NMT1: variants seen among roughly 807,000 people sequenced by gnomAD.
NMT1 encodes the protein N-myristoyltransferase 1.
In NMT1, 12 loss-of-function variants were observed where a neutral mutation model predicts 63.4. The observed-to-expected ratio is 0.19, with a 90% confidence interval of 0.12 to 0.31. The LOEUF (loss-of-function observed/expected upper bound fraction) is 0.31, where lower values mean the gene tolerates loss of function less well. NMT1 is among the 10% of genes least tolerant of loss of function. NMT1 has a pLI of 1.00. For missense variants in NMT1, 432 were observed against 634.6 expected (o/e 0.68, Z 3.43); for synonymous variants, 228 against 234.3 (o/e 0.97, Z 0.25).
chr17:45,105,557 G>A lies in NMT1; in HGVS notation c.1471-62G>A. 1.3e-6 allele frequency: 2 copies of A among 1,589,462 alleles called. No homozygotes were observed. Among genetic ancestry groups the A allele is most frequent in the Admixed American group, 1.7e-5 (1 of 59,410 alleles). On this transcript the variant is annotated intron_variant, in intron 11 of 11. Coordinates refer to ENST00000258960, the MANE Select transcript of NMT1 (RefSeq NM_021079.5). This position sits in a 1 kb window ranked among gnomAD's most constrained non-coding sequence, Gnocchi z 4.2. ...CCACTCGGAACTTCAGGGATAGGGG[G>A]TGTGGGAGAGTCTTTGGGCCACTGT...
At chr17:45,090,969 A>T (rs879728593) in intron 3 of NMT1, among the ~76,000 whole-genome samples, 3 of 151,982 alleles carry the variant, frequency 2.0e-5, no homozygotes, top group Non-Finnish European at 2.9e-5. Flanking sequence ...TGATGCTGGC[A>T]CCACACCGAG....
chr17:45,079,302 C>T (rs2053997646), intron 1 of NMT1, among the ~76,000 whole-genome samples: 1 of 152,054 alleles, frequency 6.6e-6, no homozygotes, highest in South Asian at 2.1e-4. Context: ...CGGGGTTTCA[C>T]CATGTGGGTC....
At chr17:45,072,225 C>T (rs1340138808) in intron 1 of NMT1, among the ~76,000 whole-genome samples, 2 of 150,054 alleles carry the variant, frequency 1.3e-5, no homozygotes, top group Non-Finnish European at 3.0e-5. Context: ...GCACTCCAGC[C>T]TGGGTAACAG....
chr17:45,098,325 G>C (rs2143513666), intron 6 of NMT1, 57 bp from the exon 7 acceptor site: 1 of 1,555,790 alleles, frequency 6.4e-7, no homozygotes, highest in Non-Finnish European at 8.8e-7. Context: ...TGCTTGATGG[G>C]ATCACCATTC....
chr17:45,090,320 T>G (rs980966560), intron 3 of NMT1, among the ~76,000 whole-genome samples: 3 of 152,104 alleles, frequency 2.0e-5, no homozygotes, highest in Non-Finnish European at 4.4e-5. Flanking sequence ...ATGAAAGGCC[T>G]TCTTAGCAGA....
In NMT1 at chr17:45,061,379, C is replaced by T; in HGVS notation, c.50C>T (p.Pro17Leu). 1 of 1,614,018 alleles carries T rather than the reference C, an allele frequency of 6.2e-7. No individual in the cohort carries two copies. The highest frequency in any genetic ancestry group is 8.5e-7 in the Non-Finnish European group (1 of 1,179,990). The change falls in exon 1 of 12, where the codon CCG (proline) becomes CTG (leucine). Residue 17 changes from proline to leucine, a missense_variant. Pro to Leu is a moderately conservative substitution (Grantham distance 98, BLOSUM62 -3). This residue lies in a region of NMT1 where 121 missense variants were observed against 103.7 expected (regional missense o/e 1.17). Coordinates refer to ENST00000258960, the MANE Select transcript of NMT1 (RefSeq NM_021079.5). ...GTGAAGCCGCCGGCACCTCCGCTGC[C>T]GCAGATGATGGAAGGGAACGGGAAC... ...TAVKPPAPPL[P>L]QMMEGNGNGH...
chr17:45,075,174 C>A (rs1330446762), intron 1 of NMT1, among the ~76,000 whole-genome samples: 1 of 152,094 alleles, frequency 6.6e-6, no homozygotes, highest in Non-Finnish European at 1.5e-5. Context: ...GGTGACAGAG[C>A]AAGACCCTGT....
At chr17:45,094,467 C>G (rs1174659224) in intron 4 of NMT1, among the ~76,000 whole-genome samples, 3 of 148,276 alleles carry the variant, frequency 2.0e-5, no homozygotes, top group Non-Finnish European at 4.5e-5. Context: ...CACTCCAGCC[C>G]AGGTGACAGT....
chr17:45,097,113 G>A lies in NMT1; in HGVS notation c.597-15G>A. On this transcript the variant is annotated splice_polypyrimidine_tract_variant and intron_variant, in intron 5 of 11. Coordinates refer to ENST00000258960, the MANE Select transcript of NMT1 (RefSeq NM_021079.5). ...GCCGGCAAGCAGCACAACCACCCCA[G>A]CCTCTCTTTTCCAGGGCTCTCCGGC... The A allele has an allele frequency of 6.2e-7, 1 of 1,609,736 alleles. No individual in the cohort carries two copies. Among genetic ancestry groups the A allele is most frequent in the Non-Finnish European group, 8.5e-7 (1 of 1,176,088 alleles).
chr17:45,081,616 C>G (rs1181207807), intron 1 of NMT1, 28 bp from the exon 2 acceptor site: 1 of 1,583,092 alleles, frequency 6.3e-7, no homozygotes, highest in Non-Finnish European at 8.6e-7. Flanking sequence ...TTTTTAAACC[C>G]TGCATTAGTA....
intron 1 of NMT1, among the ~76,000 whole-genome samples, chr17:45,069,699 T>C (rs1344866221): frequency 3.9e-5 from 6 of 152,142 alleles, no homozygotes; most frequent in Non-Finnish European, 5.9e-5. Context: ...CCCTGCTGAA[T>C]TGAGTTCTGC....
At chr17:45,094,247 C>T (rs746302192) in intron 4 of NMT1, among the ~76,000 whole-genome samples, 9 of 151,840 alleles carry the variant, frequency 5.9e-5, no homozygotes, top group East Asian at 2.0e-4. Context: ...GTAATCCCAC[C>T]GTTTTGGGAG....
intron 3 of NMT1, among the ~76,000 whole-genome samples, chr17:45,088,086 G>A (rs1373232730): frequency 6.6e-6 from 1 of 152,256 alleles, no homozygotes; most frequent in Non-Finnish European, 1.5e-5. Flanking sequence ...CTGAGGAGGT[G>A]CATCCCCACG....
In NMT1 at chr17:45,105,735, TCCC is replaced by T; in HGVS notation, c.*97_*99del. 7.7e-7 allele frequency: 1 copy of T among 1,305,672 alleles called. No homozygotes were observed. Among genetic ancestry groups the T allele is most frequent in the Non-Finnish European group, 1.1e-6 (1 of 913,230 alleles). 80.9% of individuals were successfully genotyped at this position (1,305,672 alleles called of 1,614,324 possible). A position where few individuals can be genotyped will look rare whatever the true frequency, so the allele number is the denominator to read the frequency against. On this transcript the variant is annotated 3_prime_UTR_variant, in exon 12 of 12. Transcript: ENST00000258960. This position sits in a 1 kb window ranked among gnomAD's most constrained non-coding sequence, Gnocchi z 4.2. ...GGTCCAATTTTCACACACGTGAGAA[TCCC>T]TGGCAAAGGGAGCAGAACTGAACCG...
At chr17:45,079,650 GTGCACACA>G (rs1401702895) in intron 1 of NMT1, among the ~76,000 whole-genome samples, 1 of 152,232 alleles carries the variant, frequency 6.6e-6, no homozygotes, top group Non-Finnish European at 1.5e-5. Context: ...CCTTGATCAC[GTGCACACA>G]TGCACACGTG....
At chr17:45,075,545 G>A (rs1030376384) in intron 1 of NMT1, among the ~76,000 whole-genome samples, 2 of 150,848 alleles carry the variant, frequency 1.3e-5, no homozygotes, top group African/African-American at 2.4e-5. Context: ...ACTTTGGGAG[G>A]CCAAGGCTGG....
intron 8 of NMT1, 122 bp from the exon 9 acceptor site, chr17:45,102,829 C>T (rs556306047): frequency 8.5e-6 from 7 of 826,634 alleles, no homozygotes; most frequent in African/African-American, 5.1e-5. Flanking sequence ...GAGATATGCA[C>T]GGGGGTGCAG....
rs148447889 is a variant in NMT1, at chr17:45,063,785, A to G, written c.131+2325A>G. 1.6e-3 allele frequency among the ~76,000 whole-genome samples: 243 copies of G among 152,132 alleles called. 3 individuals carry two copies. The highest frequency in any genetic ancestry group is 5.3e-3 in the African/African-American group (220 of 41,500). ...GTGGCGTACGCCTATAGTCCCAGCT[A>G]CTCCGGAGACTGAGGCAGGAGAATC... is the stretch of plus-strand genomic sequence containing the variant. On this transcript the variant is annotated intron_variant, in intron 1 of 11. Transcript: ENST00000258960.
intron 1 of NMT1, among the ~76,000 whole-genome samples, chr17:45,072,314 C>T (rs2053945449): frequency 1.3e-5 from 2 of 151,596 alleles, no homozygotes; most frequent in Non-Finnish European, 1.5e-5. Flanking sequence ...GGCTGGAGTG[C>T]AGTAGTGTGA....
Sources: gnomAD v4.1 joint callset for allele counts (sites outside exome capture counted in the v4.1 genomes callset) on GRCh38, gnomAD v4.1.1 for gene constraint, gnomAD v4.1.1 regional missense constraint, Gnocchi (gnomAD v3.1) non-coding constraint, MANE v1.5 for transcripts, NCBI Gene and HGNC (gene_info 2026-07-23, HGNC 2026-07-21) for gene names.